The following ATG4B variants were observed in gnomAD, a reference collection of about 807,000 sequenced individuals.
ATG4B encodes the protein cysteine protease ATG4B.
A neutral mutation model predicts 56.6 loss-of-function variants in ATG4B; 29 were observed. The observed-to-expected ratio is 0.51, with a 90% CI of 0.38 to 0.70. ATG4B has a LOEUF of 0.70. Among genes scored for constraint, ATG4B ranks in the 30% least tolerant of loss-of-function variants. The pLI, the probability that ATG4B is intolerant of heterozygous loss-of-function variation, is 0.00. For missense variants in ATG4B, 461 were observed against 515.5 expected (o/e 0.89, Z 1.02); for synonymous variants, 224 against 206.1 (o/e 1.09, Z -0.74).
rs145333914 is a variant in ATG4B at position 241,666,260 on chromosome 2, C to T, written c.539-385C>T. Reference sequence around the variant, plus strand: ...TGTGTGTAGGCAGAAGGGGTGGAAGCGAGGAAAGGCGTTGCTGAGGAGGCC... The same window carrying T: ...TGTGTGTAGGCAGAAGGGGTGGAAGTGAGGAAAGGCGTTGCTGAGGAGGCC... On this transcript the variant is annotated intron_variant, in intron 7 of 12. Coordinates refer to ENST00000404914, the MANE Select transcript of ATG4B (RefSeq NM_013325.5). Among the ~76,000 whole-genome samples, 627 of 152,296 alleles carry T rather than the reference C, an allele frequency of 4.1e-3. 5 individuals carry two copies. Among genetic ancestry groups the T allele is most frequent in the African/African-American group, 0.014 (582 of 41,566 alleles).
At position 241,668,129 on chromosome 2, in the gene ATG4B, C is replaced by A. The variant is rs760914379; in HGVS notation, c.733-14C>A. On this transcript the variant is annotated splice_polypyrimidine_tract_variant and intron_variant, in intron 8 of 12. Coordinates refer to ENST00000404914, the MANE Select transcript of ATG4B (RefSeq NM_013325.5). The surrounding 1 kb of genome is among the most constrained non-coding windows in gnomAD (Gnocchi z 4.2). ...CCACCTGGGACCTGTGCTCAGTCCC[C>A]CGCCCCTCCACAGCACTGCTTCATG... 13 of 1,582,878 alleles carry A rather than the reference C, an allele frequency of 8.2e-6. No homozygotes were observed. The East Asian group carries it at 3.0e-4, about 37-fold the overall frequency.
rs2068867909 is a variant in ATG4B at position 241,668,959 on chromosome 2, A to C, written c.957+274A>C. The C allele has an allele frequency of 1.0e-5, 5 of 488,110 alleles. No individual in the cohort carries two copies. In the South Asian group the frequency reaches 1.2e-4, roughly 12 times the overall value. The allele number at this position is 488,110 out of a possible 1,614,324, so 30.2% of individuals were successfully genotyped here. ...TGTGAGCGTGTGTGGGCGCGTGCTG[A>C]GTGTGCATGGATGAGTGTGAGCCAT... is the stretch of plus-strand genomic sequence containing the variant. On this transcript the variant is annotated intron_variant, in intron 10 of 12. Transcript: ENST00000404914. This position sits in a 1 kb window ranked among gnomAD's most constrained non-coding sequence, Gnocchi z 4.2.
chr2:241,647,041 C>T (rs1011994241), intron 1 of ATG4B, among the ~76,000 whole-genome samples: 1 of 152,066 alleles, frequency 6.6e-6, no homozygotes, highest in Non-Finnish European at 1.5e-5. Flanking sequence ...GCCTTGGCCT[C>T]CCCAAGTGCT....
At chr2:241,643,021 T>TA (rs1285249524) in intron 1 of ATG4B, among the ~76,000 whole-genome samples, 4 of 151,584 alleles carry the variant, frequency 2.6e-5, no homozygotes, top group Non-Finnish European at 5.9e-5. Flanking sequence ...TAGCTGGGAT[T>TA]ACAGGTGTGC....
rs756996020 is a variant in ATG4B, at chr2:241,654,608, A to T, written c.346A>T (p.Ile116Phe). Residue 116 changes from isoleucine to phenylalanine, a missense_variant, in exon 5 of 13, where the codon ATC becomes TTC. By Grantham distance (21) the Ile-to-Phe change is conservative. Coordinates refer to ENST00000404914, the MANE Select transcript of ATG4B (RefSeq NM_013325.5). ...CTACTTCAGCGTCCTCAACGCATTC[A>T]TCGACAGGAAGGACAGTTACTACTC... is the stretch of plus-strand genomic sequence containing the variant. Reference protein sequence around the residue: ...DSYFSVLNAFIDRKDSYYSIH... With the variant: ...DSYFSVLNAFFDRKDSYYSIH... 6.2e-7 allele frequency: 1 copy of T among 1,603,408 alleles called. No homozygotes were observed. Among genetic ancestry groups the T allele is most frequent in the South Asian group, 1.1e-5 (1 of 88,696 alleles).
At position 241,666,744 on chromosome 2, in the gene ATG4B, C is replaced by T; in HGVS notation, c.638C>T (p.Thr213Ile). 6.2e-7 allele frequency: 1 copy of T among 1,609,520 alleles called. No individual in the cohort carries two copies. The highest frequency in any genetic ancestry group is 1.1e-5 in the South Asian group (1 of 90,124). ...GGATTCCCTGCCGGAGCTGAGGTCA[C>T]CAACAGGCCGTCGCCATGGAGACCC... is the stretch of plus-strand genomic sequence containing the variant. ...CNGFPAGAEV[T>I]NRPSPWRPLV... The change falls in exon 8 of 13, where the codon ACC (threonine) becomes ATC (isoleucine). Residue 213 changes from threonine (T) to isoleucine (I), a missense_variant. Coordinates refer to ENST00000404914, the MANE Select transcript of ATG4B (RefSeq NM_013325.5).
chr2:241,641,019 T>C (rs189066081), intron 1 of ATG4B, among the ~76,000 whole-genome samples: 136 of 152,284 alleles, frequency 8.9e-4, no homozygotes, highest in African/African-American at 3.2e-3. Flanking sequence ...GGCATCTCTT[T>C]TGAGAATGTA....
At chr2:241,644,460 T>C (rs1288603378) in intron 1 of ATG4B, among the ~76,000 whole-genome samples, 1 of 152,232 alleles carries the variant, frequency 6.6e-6, no homozygotes, top group Non-Finnish European at 1.5e-5. Context: ...CTTGGAAAAC[T>C]GGTGGCTGTG....
chr2:241,662,693 C>A (rs6723210), intron 7 of ATG4B, among the ~76,000 whole-genome samples: 4 of 152,358 alleles, frequency 2.6e-5, no homozygotes, highest in African/African-American at 9.6e-5. Flanking sequence ...AGGAAACTCA[C>A]CACCGGGAAG....
At chr2:241,663,082 A>G (rs2068640927) in intron 7 of ATG4B, among the ~76,000 whole-genome samples, 1 of 152,194 alleles carries the variant, frequency 6.6e-6, no homozygotes, top group Non-Finnish European at 1.5e-5. Flanking sequence ...CTAAAAAAAA[A>G]GTTAGCTGGG....
chr2:241,657,812 A>C (rs1309866795), intron 6 of ATG4B, among the ~76,000 whole-genome samples: 2 of 152,202 alleles, frequency 1.3e-5, no homozygotes, highest in African/African-American at 4.8e-5. Flanking sequence ...CCATCTGCAT[A>C]AAACATATTG....
chr2:241,644,931 G>C (rs2068017734), intron 1 of ATG4B, among the ~76,000 whole-genome samples: 1 of 147,798 alleles, frequency 6.8e-6, no homozygotes, highest in Admixed American at 6.7e-5. Flanking sequence ...CCTGGGTGAC[G>C]AGCAAAACTC....
chr2:241,672,141 C>T (rs766397379), intron 12 of ATG4B, 50 bp from the exon 13 acceptor site: 4 of 1,550,750 alleles, frequency 2.6e-6, no homozygotes, highest in East Asian at 2.4e-5. Flanking sequence ...TGACTCACAC[C>T]CAGGTGGCCC....
Position 241,672,403 on chromosome 2 carries a change from G to T in ATG4B, c.*139G>T, listed in dbSNP as rs893702247. On this transcript the variant is annotated 3_prime_UTR_variant, in exon 13 of 13. Coordinates refer to ENST00000404914, the MANE Select transcript of ATG4B (RefSeq NM_013325.5). ...CAGAGGGCCACCCGCTGTGCTCGTG[G>T]ACTGAGGCTGCGCTGCCCGGGAGGC... 59 of 762,272 alleles carry T rather than the reference G, an allele frequency of 7.7e-5. No individual in the cohort carries two copies. In the Middle Eastern group the frequency reaches 1.1e-3, roughly 14 times the overall value. 47.2% of individuals were successfully genotyped at this position (762,272 alleles called of 1,614,324 possible).
chr2:241,667,061 G>A lies in ATG4B; in HGVS notation c.732+223G>A, dbSNP rs537008434. On this transcript the variant is annotated intron_variant, in intron 8 of 12. Transcript: ENST00000404914. ...TTCTGCAAGTGTCAAGGCGAGTGTC[G>A]AGGATGAAAGCATGAGGCGCTTGCA... Among the ~76,000 whole-genome samples the A allele has an allele frequency of 7.2e-5, 11 of 152,312 alleles. 2 individuals are homozygous for A. The highest frequency in any genetic ancestry group is 2.4e-4 in the African/African-American group (10 of 41,584).
intron 7 of ATG4B, among the ~76,000 whole-genome samples, chr2:241,661,574 G>A (rs1321528443): frequency 6.6e-6 from 1 of 152,220 alleles, no homozygotes; most frequent in African/African-American, 2.4e-5. Context: ...CTAGTTTCTC[G>A]GAACTGCTTG....
At chr2:241,658,918 G>A (rs1303502711) in intron 6 of ATG4B, among the ~76,000 whole-genome samples, 190 bp from the exon 7 acceptor site, 1 of 152,266 alleles carries the variant, frequency 6.6e-6, no homozygotes, top group East Asian at 1.9e-4. Context: ...CCTCAGGCGA[G>A]AAGAAGCAGA....
chr2:241,671,802 A>G (rs533667662), intron 12 of ATG4B: 53 of 1,273,470 alleles, frequency 4.2e-5, no homozygotes, highest in Non-Finnish European at 4.9e-5. Context: ...GTGCCGCAGG[A>G]GCCGGCCTGG....
rs535120066 is a variant in ATG4B at position 241,645,046 on chromosome 2, C to T, written c.11-5964C>T. ...TGGAAGGTCAGGGAGGTCTTTGTAC[C>T]GTTCTGATGCCTCAGTCCATGGCTC... On this transcript the variant is annotated intron_variant, in intron 1 of 12. Transcript: ENST00000404914. Among the ~76,000 whole-genome samples, 16 of 152,244 alleles carry T rather than the reference C, an allele frequency of 1.1e-4. No homozygotes were observed. In the South Asian group the frequency reaches 1.7e-3, roughly 16 times the overall value.
Sources: allele counts gnomAD v4.1 joint callset (sites outside exome capture counted in the v4.1 genomes callset), GRCh38; gene constraint gnomAD v4.1.1; non-coding constraint Gnocchi (gnomAD v3.1); transcripts MANE v1.5; gene names NCBI Gene and HGNC (gene_info 2026-07-23, HGNC 2026-07-21).